Variants in PCDHA12 observed in about 807,000 individuals in gnomAD.
The protein encoded by PCDHA12 is protocadherin alpha 12.
A neutral mutation model predicts 60.0 loss-of-function variants in PCDHA12; 44 were observed. The ratio of observed to expected loss-of-function variants is 0.73; its 90% CI spans 0.58 to 0.94. PCDHA12 has a LOEUF of 0.94. PCDHA12 is among the 40% of genes least tolerant of loss of function. PCDHA12 has a pLI of 0.00. For missense variants in PCDHA12, 1,276 were observed against 1,239.7 expected, an observed-to-expected ratio of 1.03 and a Z score of -0.44; for synonymous variants, 569 against 553.0, an observed-to-expected ratio of 1.03 and a Z score of -0.40.
At chr5:140,928,109 A>C (rs1472439079) in intron 1 of PCDHA12, 1 of 1,613,986 alleles carries the variant, frequency 6.2e-7, no homozygotes, top group African/African-American at 1.3e-5. Context: ...CTGGACCGGG[A>C]GCAGATCAGT....
intron 3 of PCDHA12, among the ~76,000 whole-genome samples, chr5:140,995,684 A>T (rs2097694657): frequency 6.6e-6 from 1 of 152,144 alleles, no homozygotes; most frequent in Non-Finnish European, 1.5e-5. Flanking sequence ...ATTTTTTTTA[A>T]TTGTTAAATA....
At chr5:140,931,471 G>GA (rs1215090719) in intron 1 of PCDHA12, among the ~76,000 whole-genome samples, 9 of 151,796 alleles carry the variant, frequency 5.9e-5, no homozygotes, top group Non-Finnish European at 1.0e-4. Context: ...AATGACAGAG[G>GA]AAAAAACAAC....
chr5:140,943,467 G>C lies in PCDHA12; in HGVS notation c.2368-35482G>C, dbSNP rs559827697. 2.0e-5 allele frequency among the ~76,000 whole-genome samples: 3 copies of C among 152,126 alleles called. No individual in the cohort carries two copies. The East Asian group carries it at 5.8e-4, about 29-fold the overall frequency. On this transcript the variant is annotated intron_variant, in intron 1 of 3. Coordinates refer to ENST00000398631, the MANE Select transcript of PCDHA12 (RefSeq NM_018903.4). ...AGAATTGATAAGGCTAAATGTGGGA[G>C]ATACAGTAAAATAATAAATAGATGC... is the stretch of plus-strand genomic sequence containing the variant.
chr5:140,994,717 A>T (rs1350882833), intron 3 of PCDHA12, among the ~76,000 whole-genome samples: 4 of 152,164 alleles, frequency 2.6e-5, no homozygotes, highest in Admixed American at 6.6e-5. Context: ...AAAAAAATTT[A>T]AAATACTGGG....
chr5:140,926,358 A>C (rs1157995876), intron 1 of PCDHA12: 1 of 152,230 alleles, frequency 6.6e-6, no homozygotes, highest in Non-Finnish European at 1.5e-5. Context: ...CGGCTCCCAA[A>C]GGGCGGCAGG....
At chr5:140,901,553 A>C (rs1387848935) in intron 1 of PCDHA12, among the ~76,000 whole-genome samples, 1 of 152,072 alleles carries the variant, frequency 6.6e-6, no homozygotes, top group African/African-American at 2.4e-5. Flanking sequence ...TGTTCCATTC[A>C]TCTATGTGTC....
At position 140,982,581 on chromosome 5, in the gene PCDHA12, C is replaced by CT. The variant is rs782248594; in HGVS notation, c.2515+19dup. 2.4e-5 allele frequency: 38 copies of CT among 1,612,216 alleles called. No homozygotes were observed. The Middle Eastern group carries it at 5.0e-4, about 21-fold the overall frequency. ...AACACCAGGTAAAGAGCTGGGGTCT[C>CT]TCCATTCTTTCTTGGTTTCTGGAAA... On this transcript the variant is annotated intron_variant, in intron 3 of 3. Transcript: ENST00000398631.
chr5:140,932,042 A>G (rs1419099942), intron 1 of PCDHA12, among the ~76,000 whole-genome samples: 1 of 151,970 alleles, frequency 6.6e-6, no homozygotes, highest in Non-Finnish European at 1.5e-5. Flanking sequence ...ATATTAACAT[A>G]GCCTGTAATA....
chr5:140,933,753 G>A (rs1554209575), intron 1 of PCDHA12, among the ~76,000 whole-genome samples: 1 of 151,976 alleles, frequency 6.6e-6, no homozygotes. Context: ...GAATTCACTA[G>A]TGAAGCTCTC....
At position 140,877,311 on chromosome 5, in the gene PCDHA12, G is replaced by T; in HGVS notation, c.1839G>T (p.Pro613=). The part of the protein sequence containing the change: ...YNAWLSYELQ[P]AAVGAHIPFH... ...CTTGGCTGTCCTACGAGTTGCAACCGGCGGCGGTCGGCGCGCACATCCCGT... is the reference window on the plus strand; with the variant it reads ...CTTGGCTGTCCTACGAGTTGCAACCTGCGGCGGTCGGCGCGCACATCCCGT... The change falls in exon 1 of 4, where the codon CCG becomes CCT. Residue 613 remains proline (P), a synonymous_variant. Coordinates refer to ENST00000398631, the MANE Select transcript of PCDHA12 (RefSeq NM_018903.4). The T allele has an allele frequency of 6.2e-7, 1 of 1,613,970 alleles. No homozygotes were observed.
intron 3 of PCDHA12, among the ~76,000 whole-genome samples, chr5:140,999,585 G>C (rs1240906342): frequency 6.6e-6 from 1 of 152,152 alleles, no homozygotes; most frequent in Non-Finnish European, 1.5e-5. Flanking sequence ...AAGGGAAATT[G>C]CCTTCCCTAC....
intron 1 of PCDHA12, among the ~76,000 whole-genome samples, chr5:140,938,406 T>C (rs1283027205): frequency 6.6e-6 from 1 of 152,240 alleles, no homozygotes; most frequent in African/African-American, 2.4e-5. Flanking sequence ...ATTGTTTGAT[T>C]GGGTTTATTT....
chr5:140,976,685 T>TTGC (rs1279936534), intron 1 of PCDHA12, among the ~76,000 whole-genome samples: 2 of 152,238 alleles, frequency 1.3e-5, no homozygotes, highest in East Asian at 3.8e-4. Flanking sequence ...TTTTGCAATT[T>TTGC]AAGTACAATA....
intron 1 of PCDHA12, among the ~76,000 whole-genome samples, chr5:140,954,250 T>C (rs1018325931): frequency 6.6e-6 from 1 of 152,252 alleles, no homozygotes; most frequent in Non-Finnish European, 1.5e-5. Context: ...AACATACACA[T>C]GCAGGTATCT....
At chr5:140,965,015 C>A (rs187456244) in intron 1 of PCDHA12, among the ~76,000 whole-genome samples, 116 of 152,260 alleles carry the variant, frequency 7.6e-4, no homozygotes, top group Non-Finnish European at 1.2e-3. Context: ...AGGATCACAA[C>A]CTTGGCTCCT....
chr5:140,934,346 G>T (rs941608404), intron 1 of PCDHA12, among the ~76,000 whole-genome samples: 1 of 152,130 alleles, frequency 6.6e-6, no homozygotes, highest in South Asian at 2.1e-4. Flanking sequence ...CACCAGTACA[G>T]TGTGGAGCCA....
At chr5:140,896,113 T>G (rs10053583) in intron 1 of PCDHA12, among the ~76,000 whole-genome samples, 1 of 152,170 alleles carries the variant, frequency 6.6e-6, no homozygotes, top group East Asian at 1.9e-4. Flanking sequence ...GCCTGGCCAA[T>G]GTACTGCATT....
At chr5:140,892,086 C>T (rs965682257) in intron 1 of PCDHA12, among the ~76,000 whole-genome samples, 1 of 152,156 alleles carries the variant, frequency 6.6e-6, no homozygotes, top group Non-Finnish European at 1.5e-5. Context: ...CTAGTTTCCT[C>T]TCGAAACTTT....
intron 1 of PCDHA12, among the ~76,000 whole-genome samples, chr5:140,956,665 G>GCTTT (rs1273636843): frequency 1.3e-5 from 2 of 152,004 alleles, no homozygotes; most frequent in Non-Finnish European, 2.9e-5. Flanking sequence ...TGGCCTTAAA[G>GCTTT]GAGTTAGGGA....
Sources: allele counts gnomAD v4.1 joint callset (sites outside exome capture counted in the v4.1 genomes callset), GRCh38; gene constraint gnomAD v4.1.1; transcripts MANE v1.5; gene names NCBI Gene and HGNC (gene_info 2026-07-23, HGNC 2026-07-21).